Variants in KCNH1 observed in about 807,000 individuals in gnomAD.
KCNH1 encodes potassium voltage-gated channel subfamily H member 1, also known as voltage-gated delayed rectifier potassium channel KCNH1.
Under a neutral mutation model 69.2 loss-of-function variants are expected in KCNH1, and 27 were observed. The ratio of observed to expected loss-of-function variants is 0.39; its 90% confidence interval spans 0.29 to 0.54. KCNH1 has a LOEUF of 0.54. Among genes scored for constraint, KCNH1 ranks in the 20% least tolerant of loss-of-function variants. KCNH1 has a pLI of 0.68. For synonymous variants in KCNH1, 456 were observed against 487.7 expected (o/e 0.93, Z 0.86); for missense variants, 798 against 1,261.6 (o/e 0.63, Z 5.57).
intron 10 of KCNH1, among the ~76,000 whole-genome samples, chr1:210,756,022 T>A (rs1409229743): frequency 1.3e-5 from 2 of 152,238 alleles, no homozygotes; most frequent in Admixed American, 6.5e-5. Flanking sequence ...GCGTACTGCA[T>A]GGCACGCTGC....
intron 10 of KCNH1, among the ~76,000 whole-genome samples, chr1:210,700,824 G>GCTTGT (rs1400847183): frequency 1.3e-5 from 2 of 152,084 alleles, no homozygotes; most frequent in African/African-American, 4.8e-5. Context: ...TTGGTCCGTG[G>GCTTGT]CTTGTCTTTT....
chr1:210,691,759 T>C (rs1262391999), intron 10 of KCNH1, among the ~76,000 whole-genome samples: 1 of 152,224 alleles, frequency 6.6e-6, no homozygotes, highest in Non-Finnish European at 1.5e-5. Flanking sequence ...CTAGATGCAT[T>C]CGGCTGTGTG....
chr1:210,760,992 C>T lies in KCNH1; in HGVS notation c.2112+14356G>A, dbSNP rs561394832. Reference sequence around the variant, plus strand: ...TAAAGGCCGGGCGCGGTGGCTCACGCCTGTAATCCCAGCACTTTGGGAGGC... The same window carrying T: ...TAAAGGCCGGGCGCGGTGGCTCACGTCTGTAATCCCAGCACTTTGGGAGGC... On this transcript the variant is annotated intron_variant, in intron 10 of 10. Coordinates refer to ENST00000271751, the MANE Select transcript of KCNH1 (RefSeq NM_172362.3). Among the ~76,000 whole-genome samples the T allele has an allele frequency of 2.0e-5, 3 of 152,156 alleles. No homozygotes were observed. In the South Asian group the frequency reaches 6.2e-4, roughly 32 times the overall value.
chr1:211,019,943 C>A (rs918352694), intron 5 of KCNH1, among the ~76,000 whole-genome samples: 22 of 152,012 alleles, frequency 1.4e-4, no homozygotes, highest in Admixed American at 1.1e-3. Flanking sequence ...TTTAAAATGT[C>A]TTGAAACAAA....
intron 1 of KCNH1, chr1:211,132,774 T>A (rs1691899035): frequency 6.6e-6 from 1 of 152,154 alleles, no homozygotes; most frequent in African/African-American, 2.4e-5. Flanking sequence ...GGTAGAAGAA[T>A]GTCATCTGTT....
At chr1:210,910,510 T>A (rs938387317) in intron 7 of KCNH1, among the ~76,000 whole-genome samples, 1 of 152,246 alleles carries the variant, frequency 6.6e-6, no homozygotes, top group Admixed American at 6.5e-5. Flanking sequence ...CTGCTCTTTC[T>A]GCAGCATTCA....
intron 7 of KCNH1, among the ~76,000 whole-genome samples, chr1:210,846,044 GGA>G (rs1685539082): frequency 6.6e-6 from 1 of 152,132 alleles, no homozygotes; most frequent in South Asian, 2.1e-4. Flanking sequence ...ACCTCTTCAA[GGA>G]GAACTACAAA....
intron 10 of KCNH1, among the ~76,000 whole-genome samples, chr1:210,761,249 CAA>C (rs58988658): frequency 0.19 from 6,716 of 36,190 alleles, 158 homozygotes; most frequent in Middle Eastern, 0.23. Context: ...GAGACTCCGT[CAA>C]AAAAAAAAAA....
intron 5 of KCNH1, among the ~76,000 whole-genome samples, chr1:211,056,406 G>A (rs1219655730): frequency 6.6e-6 from 1 of 152,144 alleles, no homozygotes; most frequent in African/African-American, 2.4e-5. Flanking sequence ...TAAGGTTCAT[G>A]ACTCCGGGCC....
chr1:211,126,843 A>G (rs1031874383), intron 1 of KCNH1, among the ~76,000 whole-genome samples: 7 of 152,176 alleles, frequency 4.6e-5, no homozygotes, highest in Admixed American at 3.3e-4. Flanking sequence ...TCCCAGAGGA[A>G]TGTGGTTTGT....
intron 7 of KCNH1, among the ~76,000 whole-genome samples, chr1:210,908,043 A>G (rs1410602801): frequency 6.6e-6 from 1 of 152,200 alleles, no homozygotes; most frequent in Non-Finnish European, 1.5e-5. Context: ...AATTTGGTGC[A>G]ATAAAAAGCC....
intron 7 of KCNH1, among the ~76,000 whole-genome samples, chr1:210,853,962 A>G (rs1484239402): frequency 2.0e-5 from 3 of 150,342 alleles, no homozygotes; most frequent in Non-Finnish European, 4.4e-5. Context: ...AAAAAAAAAA[A>G]AAAAAAGAAA....
intron 5 of KCNH1, among the ~76,000 whole-genome samples, chr1:211,035,801 T>G (rs1230341553): frequency 6.6e-6 from 1 of 152,208 alleles, no homozygotes; most frequent in Non-Finnish European, 1.5e-5. Context: ...CAAAAGAGTA[T>G]TTCACAGCTA....
At chr1:210,943,065 T>C (rs920192285) in intron 6 of KCNH1, among the ~76,000 whole-genome samples, 6 of 152,232 alleles carry the variant, frequency 3.9e-5, no homozygotes, top group Non-Finnish European at 8.8e-5. Context: ...CATTCAATTC[T>C]CACAACTATC....
At chr1:210,814,785 T>C (rs376374398) in intron 7 of KCNH1, among the ~76,000 whole-genome samples, 1 of 152,206 alleles carries the variant, frequency 6.6e-6, no homozygotes, top group African/African-American at 2.4e-5. Flanking sequence ...GTGTTCATAT[T>C]TTTCCATCAA....
intron 10 of KCNH1, among the ~76,000 whole-genome samples, chr1:210,749,981 G>A (rs1046316875): frequency 1.1e-4 from 16 of 152,144 alleles, no homozygotes; most frequent in Middle Eastern, 3.2e-3. Flanking sequence ...GATCTCAGGT[G>A]ATCTGCCCAC....
Position 210,926,512 on chromosome 1 carries a change from G to C in KCNH1, c.1033-6443C>G, listed in dbSNP as rs571404585. ...CAGGAAGCTCCATTCCTAGGGGAAG[G>C]GGGAGAACACTCTATCAAGGGAGCA... is the stretch of plus-strand genomic sequence containing the variant. On this transcript the variant is annotated intron_variant, in intron 6 of 10. Coordinates refer to ENST00000271751, the MANE Select transcript of KCNH1 (RefSeq NM_172362.3). Among the ~76,000 whole-genome samples the C allele has an allele frequency of 3.9e-4, 60 of 152,228 alleles. No homozygotes were observed. The South Asian group carries it at 0.012, about 31-fold the overall frequency.
At chr1:210,991,624 C>T (rs1416885656) in intron 6 of KCNH1, among the ~76,000 whole-genome samples, 6 of 151,750 alleles carry the variant, frequency 4.0e-5, no homozygotes, top group Non-Finnish European at 7.4e-5. Flanking sequence ...CACACACACA[C>T]ACACACACAT....
chr1:210,884,090 G>C (rs1334714705), intron 7 of KCNH1, among the ~76,000 whole-genome samples: 1 of 152,072 alleles, frequency 6.6e-6, no homozygotes, highest in Non-Finnish European at 1.5e-5. Flanking sequence ...AAGAACTAGG[G>C]AGCAAAGAAA....
Sources: gnomAD v4.1 joint callset for allele counts (sites outside exome capture counted in the v4.1 genomes callset) on GRCh38, gnomAD v4.1.1 for gene constraint, MANE v1.5 for transcripts, NCBI Gene and HGNC (gene_info 2026-07-23, HGNC 2026-07-21) for gene names.